TNIP3: variants seen among roughly 807,000 people sequenced by gnomAD.
The protein encoded by TNIP3 is TNFAIP3-interacting protein 3.
Under a neutral mutation model 54.1 loss-of-function variants are expected in TNIP3, and 34 were observed. The ratio of observed to expected loss-of-function variants is 0.63; its 90% CI spans 0.48 to 0.84. The LOEUF (loss-of-function observed/expected upper bound fraction) is 0.84. Among genes scored for constraint, TNIP3 ranks in the 40% least tolerant of loss-of-function variants. The probability of loss-of-function intolerance (pLI) is 0.00; values close to 1 mark genes in which losing one functional copy is unlikely to be tolerated. For synonymous variants in TNIP3, 134 were observed against 136.8 expected (o/e 0.98, Z 0.14); for missense variants, 366 against 387.6 (o/e 0.94, Z 0.47).
At chr4:121,133,236 G>T (rs1728580216) in intron 10 of TNIP3, among the ~76,000 whole-genome samples, 1 of 152,122 alleles carries the variant, frequency 6.6e-6, no homozygotes. Flanking sequence ...TCATAGAAAT[G>T]CCAAGAAACA....
chr4:121,204,381 C>T (rs1191705094), intron 2 of TNIP3, among the ~76,000 whole-genome samples: 2 of 152,250 alleles, frequency 1.3e-5, no homozygotes, highest in Admixed American at 6.5e-5. Context: ...GTTGTCCTGC[C>T]TTTTTCAGAC....
At chr4:121,150,768 T>G (rs542845182) in intron 5 of TNIP3, among the ~76,000 whole-genome samples, 3 of 152,304 alleles carry the variant, frequency 2.0e-5, no homozygotes, top group African/African-American at 7.2e-5. Context: ...GAGAGGGACA[T>G]CCACAGAAAT....
chr4:121,147,168 T>C lies in TNIP3; in HGVS notation c.616A>G (p.Ile206Val), dbSNP rs1392338627. ...TCCTTTTTGAAGTCTTCTTCGTATA[T>C]TTGCACCTAAGAAATATTAGCTTGC... The part of the protein sequence containing the change: ...EMEVLKQQVQ[I>V]YEEDFKKERS... Residue 206 changes from isoleucine (I) to valine (V), a missense_variant, in exon 7 of 11, where the codon ATA becomes GTA. By Grantham distance (29) the Ile-to-Val change is conservative (BLOSUM62 3). Coordinates refer to ENST00000057513, the MANE Select transcript of TNIP3 (RefSeq NM_024873.6). The C allele has an allele frequency of 6.2e-7, 1 of 1,608,272 alleles. No homozygotes were observed. Among genetic ancestry groups the C allele is most frequent in the East Asian group, 2.2e-5 (1 of 44,710 alleles).
chr4:121,206,611 C>T, intron 2 of TNIP3, among the ~76,000 whole-genome samples: 1 of 152,002 alleles, frequency 6.6e-6, no homozygotes, highest in South Asian at 2.1e-4. Flanking sequence ...TGTAGTGGTG[C>T]AATCACAGCT....
At chr4:121,143,572 C>A (rs796547548) in intron 7 of TNIP3, among the ~76,000 whole-genome samples, 13 of 152,320 alleles carry the variant, frequency 8.5e-5, no homozygotes, top group African/African-American at 2.9e-4. Flanking sequence ...TATTTACAGG[C>A]AATTCTTGCT....
intron 3 of TNIP3, among the ~76,000 whole-genome samples, chr4:121,176,286 A>G (rs923285322): frequency 3.3e-5 from 5 of 152,258 alleles, no homozygotes; most frequent in African/African-American, 1.2e-4. Flanking sequence ...CTGCCTGAGA[A>G]CATGCAGGCA....
At chr4:121,187,479 T>G (rs1440868971) in intron 2 of TNIP3, among the ~76,000 whole-genome samples, 1 of 152,226 alleles carries the variant, frequency 6.6e-6, no homozygotes, top group Non-Finnish European at 1.5e-5. Flanking sequence ...TAAGATTTCA[T>G]GCTGAAGCTT....
At chr4:121,136,967 C>T (rs1203974924) in intron 10 of TNIP3, among the ~76,000 whole-genome samples, 4 of 151,630 alleles carry the variant, frequency 2.6e-5, no homozygotes, top group African/African-American at 9.7e-5. Context: ...TCACAAAGCT[C>T]ACTACATTTT....
At chr4:121,202,574 A>C (rs1056789939) in intron 2 of TNIP3, among the ~76,000 whole-genome samples, 2 of 152,178 alleles carry the variant, frequency 1.3e-5, no homozygotes, top group African/African-American at 2.4e-5. Context: ...CAAAAACAAG[A>C]TAGATGGGAT....
chr4:121,214,894 C>A (rs539814112), intron 2 of TNIP3, among the ~76,000 whole-genome samples: 1 of 152,202 alleles, frequency 6.6e-6, no homozygotes, highest in African/African-American at 2.4e-5. Flanking sequence ...TGCTGCATGT[C>A]GAGTCTTTCC....
intron 2 of TNIP3, among the ~76,000 whole-genome samples, chr4:121,197,923 G>A (rs1326707725): frequency 6.6e-6 from 1 of 152,234 alleles, no homozygotes; most frequent in Non-Finnish European, 1.5e-5. Context: ...AAAAGTTTCT[G>A]TAATGACGAA....
At chr4:121,198,443 ATT>A (rs1390764070) in intron 2 of TNIP3, among the ~76,000 whole-genome samples, 41 of 152,124 alleles carry the variant, frequency 2.7e-4, no homozygotes, top group Admixed American at 2.7e-3. Context: ...ACAGTGCAAA[ATT>A]TCTCAATGAC....
intron 4 of TNIP3, 56 bp from the exon 5 acceptor site, chr4:121,154,735 T>A: frequency 6.7e-7 from 1 of 1,499,706 alleles, no homozygotes; most frequent in Non-Finnish European, 8.9e-7. Flanking sequence ...AATGAGATGA[T>A]ATTGTAGGAA....
At chr4:121,160,189 G>C (rs190273546) in intron 2 of TNIP3, among the ~76,000 whole-genome samples, 1 of 152,074 alleles carries the variant, frequency 6.6e-6, no homozygotes, top group East Asian at 1.9e-4. Flanking sequence ...ATTAGAAAAG[G>C]AATTACAGGC....
rs368073389 is a variant in TNIP3, at chr4:121,132,588, C to G, written c.*43G>C. ...AAACAAAGAAGAGGGTCCTCAGCCACGCTCCCTCGTTGCCTGTTGTCTCTC... is the reference window on the plus strand; with the variant it reads ...AAACAAAGAAGAGGGTCCTCAGCCAGGCTCCCTCGTTGCCTGTTGTCTCTC... On this transcript the variant is annotated 3_prime_UTR_variant, in exon 11 of 11. Transcript: ENST00000057513. 1.3e-5 allele frequency: 20 copies of G among 1,596,800 alleles called. No homozygotes were observed. The highest frequency in any genetic ancestry group is 1.6e-5 in the Non-Finnish European group (19 of 1,164,838).
At chr4:121,175,840 A>G (rs550575487) in intron 3 of TNIP3, among the ~76,000 whole-genome samples, 3 of 152,204 alleles carry the variant, frequency 2.0e-5, no homozygotes, top group Non-Finnish European at 2.9e-5. Flanking sequence ...ATGAGTTTTA[A>G]TTATTTTGTG....
chr4:121,220,362 T>G (rs1373644699), upstream of TNIP3, among the ~76,000 whole-genome samples: 1 of 152,246 alleles, frequency 6.6e-6, no homozygotes, highest in Non-Finnish European at 1.5e-5. Flanking sequence ...TGTCCACATG[T>G]GTCTTCTGGC....
intron 3 of TNIP3, among the ~76,000 whole-genome samples, chr4:121,177,230 TAA>T (rs1724412754): frequency 1.3e-5 from 2 of 152,372 alleles, no homozygotes; most frequent in Admixed American, 1.3e-4. Flanking sequence ...TGGTTATATA[TAA>T]CTTTCATTTA....
rs149244331 is a variant in TNIP3 at position 121,191,118 on chromosome 4, G to C, written c.69-8322C>G. On this transcript the variant is annotated intron_variant, in intron 2 of 12. Coordinates refer to the TNIP3 transcript ENST00000507879. ...TTGTTGTTGTTGTTATTTTAGTATGGCATGCTATCATTAAGGTTATTTTTA... is the reference window on the plus strand; with the variant it reads ...TTGTTGTTGTTGTTATTTTAGTATGCCATGCTATCATTAAGGTTATTTTTA... Among the ~76,000 whole-genome samples, 402 of 152,152 alleles carry C rather than the reference G, an allele frequency of 2.6e-3. 3 individuals are homozygous for C. The highest frequency in any genetic ancestry group is 9.3e-3 in the African/African-American group (386 of 41,492).
Sources: allele counts gnomAD v4.1 joint callset (sites outside exome capture counted in the v4.1 genomes callset), GRCh38; gene constraint gnomAD v4.1.1; transcripts MANE v1.5; gene names NCBI Gene and HGNC (gene_info 2026-07-23, HGNC 2026-07-21).